PCYT1B: variants seen among roughly 807,000 people sequenced by gnomAD.
PCYT1B encodes phosphate cytidylyltransferase 1B, choline, also known as choline-phosphate cytidylyltransferase B.
Under a neutral mutation model 26.4 loss-of-function variants are expected in PCYT1B, and 10 were observed. That is an observed-to-expected ratio of 0.38 (90% CI 0.23 to 0.64). The LOEUF is 0.64. Among genes scored for constraint, PCYT1B ranks in the 30% least tolerant of loss-of-function variants. The pLI, the probability that PCYT1B is intolerant of heterozygous loss-of-function variation, is 0.56. For missense variants in PCYT1B, 161 were observed against 292.7 expected (o/e 0.55, Z 3.28); for synonymous variants, 131 against 108.4 (o/e 1.21, Z -1.29).
chrX:24,593,553 G>A (rs1250755241), intron 3 of PCYT1B, among the ~76,000 whole-genome samples: 1 of 100,444 alleles, frequency 1.0e-5, no homozygotes, highest in African/African-American at 3.7e-5. Context: ...TGGACACAGA[G>A]TCTCCCTCTG....
chrX:24,663,841 C>G (rs1162410343), intron 1 of PCYT1B, among the ~76,000 whole-genome samples: 3 of 111,221 alleles, frequency 2.7e-5, no homozygotes, highest in Non-Finnish European at 5.7e-5. Context: ...ATCACTTGAA[C>G]TCGGGAGGTG....
In PCYT1B at chrX:24,579,440, T is replaced by C. The variant is rs1285645043; in HGVS notation, c.584A>G (p.Gln195Arg). ...IKEAGMFVPT[Q>R]RTEGISTSDI... Reference sequence around the variant, plus strand: ...CGATGTTGAGATGCCTTCTGTTCTCTGCGTTGGAACGAACATCCCTGTTCA... The same window carrying C: ...CGATGTTGAGATGCCTTCTGTTCTCCGCGTTGGAACGAACATCCCTGTTCA... The change falls in exon 6 of 8, where the codon CAG (glutamine) becomes CGG (arginine). Residue 195 changes from glutamine (Q) to arginine (R), a missense_variant. Physicochemically the swap from Gln to Arg is conservative, Grantham distance 43. Coordinates refer to ENST00000379144, the MANE Select transcript of PCYT1B (RefSeq NM_004845.5). 1.7e-6 allele frequency: 2 copies of C among 1,210,051 alleles called. No individual in the cohort carries two copies. The highest frequency in any genetic ancestry group is 2.2e-5 in the Admixed American group (1 of 45,967).
intron 1 of PCYT1B, among the ~76,000 whole-genome samples, chrX:24,660,820 C>A (rs1041880294): frequency 1.8e-5 from 2 of 111,398 alleles, no homozygotes; most frequent in African/African-American, 6.5e-5. Context: ...ATAAGCACAT[C>A]TTCAAAGAAA....
upstream of PCYT1B, among the ~76,000 whole-genome samples, chrX:24,651,469 AAAAATATATATATATATATATATATAT>A (rs1400074875): frequency 2.5e-5 from 1 of 39,562 alleles, no homozygotes; most frequent in African/African-American, 1.2e-4. Flanking sequence ...AAAAAAAAAA[AAAAATATATATATATATATATATATAT>A]ATATATATAT....
At chrX:24,666,606 A>AGTGTGTGT (rs3859985) in intron 1 of PCYT1B, among the ~76,000 whole-genome samples, 1 of 100,861 alleles carries the variant, frequency 9.9e-6, no homozygotes, top group Non-Finnish European at 2.0e-5. Flanking sequence ...TATGTGTGTG[A>AGTGTGTGT]GTGTGTGTGT....
At chrX:24,599,930 T>C (rs1602170854) in intron 3 of PCYT1B, among the ~76,000 whole-genome samples, 1 of 111,386 alleles carries the variant, frequency 9.0e-6, no homozygotes, top group Non-Finnish European at 1.9e-5. Context: ...TTGTTGGAGA[T>C]GGAGTCTCAC....
At chrX:24,592,242 A>C (rs1569242320) in intron 3 of PCYT1B, among the ~76,000 whole-genome samples, 1 of 112,278 alleles carries the variant, frequency 8.9e-6, no homozygotes. Context: ...GAAATAAGCC[A>C]GACACAGGAA....
chrX:24,651,454 CA>C (rs1188690484), upstream of PCYT1B, among the ~76,000 whole-genome samples: 34 of 10,988 alleles, frequency 3.1e-3, no homozygotes, highest in African/African-American at 7.6e-3. Context: ...GATGCCATCT[CA>C]AAAAAAAAAA....
chrX:24,627,345 C>T (rs938788379), intron 1 of PCYT1B, among the ~76,000 whole-genome samples: 1 of 111,267 alleles, frequency 9.0e-6, no homozygotes, highest in Non-Finnish European at 1.9e-5. Flanking sequence ...CGTTTTGTTT[C>T]GTTTTTGAGA....
chrX:24,649,231 C>T (rs17217752), upstream of PCYT1B, among the ~76,000 whole-genome samples: 7,335 of 111,417 alleles, frequency 0.066, 263 homozygotes, highest in Middle Eastern at 0.13. Context: ...GAGCCCTTTT[C>T]CTACGTGTAC....
chrX:24,625,929 C>CA (rs1390812389), intron 1 of PCYT1B, among the ~76,000 whole-genome samples: 1 of 107,852 alleles, frequency 9.3e-6, no homozygotes, highest in East Asian at 2.9e-4. Flanking sequence ...GCCTGGCCAA[C>CA]ATGGTGAAAC....
At chrX:24,581,848 G>A (rs1924216746) in intron 5 of PCYT1B, among the ~76,000 whole-genome samples, 1 of 112,496 alleles carries the variant, frequency 8.9e-6, no homozygotes, top group Admixed American at 9.4e-5. Flanking sequence ...TCTCTTTGGA[G>A]CTTTCTTTTG....
chrX:24,563,797 G>A (rs1923519328), intron 7 of PCYT1B, among the ~76,000 whole-genome samples: 1 of 111,666 alleles, frequency 9.0e-6, no homozygotes, highest in Admixed American at 9.5e-5. Context: ...TCTGCTGCTT[G>A]TTTTCAAAAG....
Position 24,560,079 on chromosome X carries a change from T to A in PCYT1B, c.*2214A>T, listed in dbSNP as rs772322085. 8.9e-6 allele frequency: 1 copy of A among 112,095 alleles called. No homozygotes were observed. The highest frequency in any genetic ancestry group is 2.8e-4 in the East Asian group (1 of 3,543). 9.2% of individuals were successfully genotyped at this position (112,095 alleles called of 1,213,427 possible). A position where few individuals can be genotyped will look rare whatever the true frequency, so the allele number is the denominator to read the frequency against. ...GCGTGTAAGGCCTGCAAATGTATAGTCAGCCTGATACACTATTTGCTCCAG... is the reference window on the plus strand; with the variant it reads ...GCGTGTAAGGCCTGCAAATGTATAGACAGCCTGATACACTATTTGCTCCAG... On this transcript the variant is annotated 3_prime_UTR_variant, in exon 8 of 8. Coordinates refer to ENST00000379144, the MANE Select transcript of PCYT1B (RefSeq NM_004845.5).
At chrX:24,587,821 T>C (rs925346112) in intron 4 of PCYT1B, among the ~76,000 whole-genome samples, 1 of 112,491 alleles carries the variant, frequency 8.9e-6, no homozygotes, top group East Asian at 2.8e-4. Context: ...ACTACTTCAG[T>C]TGGGACATAA....
chrX:24,656,551 C>CTTTTTTTTTTTTTTTTTT (rs1179469896), intron 1 of PCYT1B, among the ~76,000 whole-genome samples: 7 of 56,637 alleles, frequency 1.2e-4, no homozygotes, highest in African/African-American at 1.5e-4. Context: ...TCTTTTTTTC[C>CTTTTTTTTTTTTTTTTTT]TTTTTTTTTT....
At chrX:24,646,914 C>T in intron 1 of PCYT1B, 75 bp downstream of exon 1, 1 of 815,039 alleles carries the variant, frequency 1.2e-6, no homozygotes, top group Non-Finnish European at 1.8e-6. Flanking sequence ...TCGTTTTCCT[C>T]GCTGGCTGCG....
At chrX:24,640,942 T>C (rs1926447062) in intron 1 of PCYT1B, among the ~76,000 whole-genome samples, 1 of 111,407 alleles carries the variant, frequency 9.0e-6, no homozygotes, top group Admixed American at 9.6e-5. Context: ...CTTGATCTTT[T>C]TGTTTTTTTG....
At chrX:24,593,836 G>A (rs899398095) in intron 3 of PCYT1B, among the ~76,000 whole-genome samples, 2 of 111,043 alleles carry the variant, frequency 1.8e-5, no homozygotes, top group Admixed American at 9.7e-5. Context: ...CTACAGGAAC[G>A]TTTCAACAAC....
Sources: gnomAD v4.1 joint callset for allele counts (sites outside exome capture counted in the v4.1 genomes callset) on GRCh38, gnomAD v4.1.1 for gene constraint, MANE v1.5 for transcripts, NCBI Gene and HGNC (gene_info 2026-07-23, HGNC 2026-07-21) for gene names.